TJP1: variants seen among roughly 807,000 people sequenced by gnomAD.
TJP1 encodes the protein tight junction protein 1, also known as tight junction protein ZO-1.
A neutral mutation model predicts 194.2 loss-of-function variants in TJP1; 43 were observed. The observed-to-expected ratio is 0.22, with a 90% CI of 0.17 to 0.29. TJP1 has a LOEUF of 0.29. TJP1 is among the 10% of genes least tolerant of loss of function. TJP1 has a pLI of 1.00. For synonymous variants in TJP1, 801 were observed against 779.0 expected (o/e 1.03, Z -0.47); for missense variants, 1,971 against 2,185.7 (o/e 0.90, Z 1.96).
chr15:29,904,400 A>G (rs1044141794), intron 2 of TJP1, among the ~76,000 whole-genome samples: 3 of 152,164 alleles, frequency 2.0e-5, no homozygotes, highest in African/African-American at 7.2e-5. Flanking sequence ...TAGAGGAGAA[A>G]GCCAACAGGA....
rs776162248 is a variant in TJP1, at chr15:29,719,073, G to A, written c.3069C>T (p.Ala1023=). 1.5e-5 allele frequency: 24 copies of A among 1,614,106 alleles called. No individual in the cohort carries two copies. Among genetic ancestry groups the A allele is most frequent in the Middle Eastern group, 1.6e-4 (1 of 6,062 alleles). Residue 1023 remains alanine (A), a synonymous_variant, in exon 21 of 28, where the codon GCC becomes GCT. Transcript: ENST00000614355. ...MRQNHVLKQP[A]VSHPGHRPDK... ...CTGGCCTGTGCCCTGGGTGACTAAC[G>A]GCTGGCTGTTTCAAAACATGGTTCT...
At chr15:29,877,567 C>G (rs917078309) in intron 2 of TJP1, among the ~76,000 whole-genome samples, 1 of 151,496 alleles carries the variant, frequency 6.6e-6, no homozygotes, top group African/African-American at 2.4e-5. Context: ...TTCTTTTTCT[C>G]TTTCTTTCTT....
chr15:29,891,851 T>C (rs1232478208), intron 2 of TJP1, among the ~76,000 whole-genome samples: 3 of 152,192 alleles, frequency 2.0e-5, no homozygotes, highest in Non-Finnish European at 4.4e-5. Context: ...TACAACATTA[T>C]TGAAATTAGG....
chr15:29,771,796 C>T (rs987510347), intron 4 of TJP1, among the ~76,000 whole-genome samples: 1 of 148,568 alleles, frequency 6.7e-6, no homozygotes, highest in African/African-American at 2.5e-5. Flanking sequence ...CAGAGCGAGA[C>T]TCCGTCTCAA....
chr15:29,742,559 T>C, intron 9 of TJP1, 83 bp downstream of exon 9: 1 of 1,377,550 alleles, frequency 7.3e-7, no homozygotes, highest in South Asian at 1.9e-5. Context: ...AATAATTGCA[T>C]CTTTAAAATC....
intron 2 of TJP1, among the ~76,000 whole-genome samples, chr15:29,871,600 T>C (rs1279590276): frequency 6.6e-6 from 1 of 152,226 alleles, no homozygotes; most frequent in African/African-American, 2.4e-5. Context: ...GTTAGTCACG[T>C]AGGAGACGGC....
chr15:29,829,681 C>A (rs1278513219), intron 2 of TJP1, among the ~76,000 whole-genome samples: 2 of 151,138 alleles, frequency 1.3e-5, no homozygotes, highest in Non-Finnish European at 2.9e-5. Context: ...GAAGACTCCC[C>A]CAGAGTATAA....
chr15:29,917,317 A>G (rs2054218458), intron 2 of TJP1, among the ~76,000 whole-genome samples: 1 of 152,244 alleles, frequency 6.6e-6, no homozygotes, highest in Admixed American at 6.5e-5. Flanking sequence ...TCAAAAGATT[A>G]AAGTGCTATA....
At chr15:29,808,930 T>C (rs2049298973) in intron 1 of TJP1, among the ~76,000 whole-genome samples, 1 of 151,950 alleles carries the variant, frequency 6.6e-6, no homozygotes, top group Non-Finnish European at 1.5e-5. Flanking sequence ...AACAAAAAAA[T>C]CAAATCTGAA....
At chr15:29,791,572 C>T (rs1403321811) in intron 2 of TJP1, among the ~76,000 whole-genome samples, 1 of 151,342 alleles carries the variant, frequency 6.6e-6, no homozygotes, top group East Asian at 2.0e-4. Context: ...AGGCGCCCAC[C>T]ACCACGCTCG....
chr15:29,872,122 C>T (rs2052547608), intron 2 of TJP1, among the ~76,000 whole-genome samples: 2 of 152,190 alleles, frequency 1.3e-5, no homozygotes, highest in Non-Finnish European at 2.9e-5. Context: ...GCCTATGAGG[C>T]TGTCAGCTGG....
chr15:29,856,617 G>T (rs551089238), intron 2 of TJP1, among the ~76,000 whole-genome samples: 2 of 152,116 alleles, frequency 1.3e-5, no homozygotes, highest in Non-Finnish European at 2.9e-5. Context: ...TTGGACCTCC[G>T]TATCTGTGAG....
intron 1 of TJP1, among the ~76,000 whole-genome samples, chr15:29,814,141 A>C (rs2049731064): frequency 6.6e-6 from 1 of 152,226 alleles, no homozygotes; most frequent in South Asian, 2.1e-4. Context: ...AACATTAACA[A>C]GGAAAAATAC....
Position 29,720,526 on chromosome 15 carries a change from C to A in TJP1, c.2595G>T (p.Glu865Asp), listed in dbSNP as rs755891562. 1.2e-6 allele frequency: 2 copies of A among 1,614,062 alleles called. No homozygotes were observed. Among genetic ancestry groups the A allele is most frequent in the Admixed American group, 1.7e-5 (1 of 60,020 alleles). The change falls in exon 19 of 28, where the codon GAG becomes GAT. Residue 865 changes from glutamate to aspartate, a missense_variant. Physicochemically the swap from Glu to Asp is conservative, Grantham distance 45. Around this residue, in one of 5 missense-constraint regions of TJP1, gnomAD observed 1,108 missense variants for 1,128.5 expected, o/e 0.98. Coordinates refer to ENST00000614355, the MANE Select transcript of TJP1 (RefSeq NM_001330239.4). Reference sequence around the variant, plus strand: ...TGGCAGACTCCGGTGGAGTCCCAACCTCATCATTAAGAGTTTCATCTAGTT... The same window carrying A: ...TGGCAGACTCCGGTGGAGTCCCAACATCATCATTAAGAGTTTCATCTAGTT... ...DQELDETLND[E>D]VGTPPESAIT...
chr15:29,779,005 T>C (rs1406013366), intron 2 of TJP1, among the ~76,000 whole-genome samples: 1 of 152,154 alleles, frequency 6.6e-6, no homozygotes, highest in Non-Finnish European at 1.5e-5. Context: ...ACCTGTCTTT[T>C]TCATCGCTTA....
chr15:29,730,701 G>A (rs1216509844), intron 15 of TJP1: 4 of 758,810 alleles, frequency 5.3e-6, no homozygotes, highest in Non-Finnish European at 9.6e-6. Context: ...ACGTCCTGTC[G>A]CCACCGCCAC....
At chr15:29,858,350 G>A (rs531927857) in intron 2 of TJP1, among the ~76,000 whole-genome samples, 4 of 152,184 alleles carry the variant, frequency 2.6e-5, no homozygotes, top group East Asian at 3.9e-4. Context: ...GCAATGAGCC[G>A]AAATTGCACC....
intron 2 of TJP1, among the ~76,000 whole-genome samples, chr15:29,916,424 G>A (rs1038693431): frequency 5.3e-5 from 8 of 151,864 alleles, no homozygotes; most frequent in African/African-American, 1.9e-4. Flanking sequence ...AGACAGAACT[G>A]GATTTCCTGA....
chr15:29,733,340 A>T, intron 12 of TJP1, 27 bp from the exon 13 acceptor site: 2 of 1,470,762 alleles, frequency 1.4e-6, no homozygotes, highest in Non-Finnish European at 1.9e-6. Context: ...CAAACACATT[A>T]TCAATATTTA....
Sources: allele counts gnomAD v4.1 joint callset (sites outside exome capture counted in the v4.1 genomes callset), GRCh38; gene constraint gnomAD v4.1.1; regional missense constraint gnomAD v4.1.1; transcripts MANE v1.5; gene names NCBI Gene and HGNC (gene_info 2026-07-23, HGNC 2026-07-21).